Variants in PREP observed in about 807,000 individuals in gnomAD.
PREP encodes dJ355L5.1 (prolyl endopeptidase).
A neutral mutation model predicts 87.6 loss-of-function variants in PREP; 29 were observed. That is an observed-to-expected ratio of 0.33 (90% confidence interval 0.25 to 0.45). The LOEUF is 0.45. Among genes scored for constraint, PREP ranks in the 20% least tolerant of loss-of-function variants. The pLI, the probability that PREP is intolerant of heterozygous loss-of-function variation, is 1.00. For missense variants in PREP, 695 were observed against 886.5 expected (o/e 0.78, Z 2.74); for synonymous variants, 337 against 328.6 (o/e 1.03, Z -0.28).
intron 2 of PREP, among the ~76,000 whole-genome samples, chr6:105,392,617 C>T (rs950262009): frequency 1.3e-5 from 2 of 152,114 alleles, no homozygotes; most frequent in African/African-American, 4.8e-5. Flanking sequence ...CGTTCTGTCA[C>T]CTAGGCTGGA....
In PREP at chr6:105,368,884, T is replaced by C; in HGVS notation, c.717+19A>G. 1 of 1,612,948 alleles carries C rather than the reference T, an allele frequency of 6.2e-7. No individual in the cohort carries two copies. Among genetic ancestry groups the C allele is most frequent in the Non-Finnish European group, 8.5e-7 (1 of 1,179,304 alleles). On this transcript the variant is annotated intron_variant, in intron 6 of 14. Coordinates refer to ENST00000652536, the MANE Select transcript of PREP (RefSeq NM_002726.5). ...TGAAACACAGTCTTTGGGGGTAAAATTTCACAGCTGTACAATACCTCAGCT... is the reference window on the plus strand; with the variant it reads ...TGAAACACAGTCTTTGGGGGTAAAACTTCACAGCTGTACAATACCTCAGCT...
intron 4 of PREP, among the ~76,000 whole-genome samples, chr6:105,374,653 T>C (rs1470495129): frequency 3.8e-4 from 9 of 23,568 alleles, no homozygotes; most frequent in Non-Finnish European, 6.5e-4. Context: ...TATATATATA[T>C]ATATATATAT....
rs1269391120 is a variant in PREP, at chr6:105,277,828, C to T, written c.*316G>A. On this transcript the variant is annotated 3_prime_UTR_variant, in exon 15 of 15. Transcript: ENST00000652536. The stretch of plus-strand genomic sequence containing the variant: ...TATGGATATAGATAAGTATGCCCGA[C>T]TATGATCCTTAATTCAGCAATCTAA... 7 of 359,196 alleles carry T rather than the reference C, an allele frequency of 1.9e-5. No homozygotes were observed. Among genetic ancestry groups the T allele is most frequent in the Admixed American group, 8.9e-5 (2 of 22,362 alleles). The allele number at this position is 359,196 out of a possible 1,614,324, so 22.3% of individuals were successfully genotyped here.
At chr6:105,367,243 T>G (rs1772409026) in intron 6 of PREP, among the ~76,000 whole-genome samples, 1 of 152,216 alleles carries the variant, frequency 6.6e-6, no homozygotes, top group African/African-American at 2.4e-5. Context: ...ATATCTATGG[T>G]ACGCAGAAGC....
At chr6:105,345,702 CCACATG>C (rs1295572320) in intron 7 of PREP, among the ~76,000 whole-genome samples, 2 of 152,154 alleles carry the variant, frequency 1.3e-5, no homozygotes, top group African/African-American at 4.8e-5. Context: ...TCTCAGTCTG[CCACATG>C]ATTAACAGTT....
chr6:105,353,675 G>A (rs1029241406), intron 6 of PREP, among the ~76,000 whole-genome samples: 1 of 151,464 alleles, frequency 6.6e-6, no homozygotes, highest in African/African-American at 2.4e-5. Flanking sequence ...GGGAGACTGA[G>A]GCAGGAGAAC....
chr6:105,332,999 G>A (rs1771377139), intron 8 of PREP, among the ~76,000 whole-genome samples: 1 of 152,154 alleles, frequency 6.6e-6, no homozygotes, highest in Admixed American at 6.5e-5. Context: ...AAAATTAAAT[G>A]TTCATGATTA....
intron 10 of PREP, among the ~76,000 whole-genome samples, chr6:105,297,320 G>C (rs1273218727): frequency 6.6e-6 from 1 of 152,196 alleles, no homozygotes; most frequent in African/African-American, 2.4e-5. Context: ...ATCGGCTACA[G>C]TGGAGTTGTG....
chr6:105,402,725 G>A (rs779415706), intron 1 of PREP, 122 bp downstream of exon 1: 50 of 911,734 alleles, frequency 5.5e-5, no homozygotes, highest in African/African-American at 2.4e-4. Context: ...AACAAAGGCC[G>A]AGGGGGAGGG....
chr6:105,330,202 G>A (rs916057987), intron 8 of PREP, among the ~76,000 whole-genome samples: 1 of 152,158 alleles, frequency 6.6e-6, no homozygotes, highest in African/African-American at 2.4e-5. Flanking sequence ...CTGAACACAA[G>A]GGCAACATAA....
chr6:105,351,880 C>T (rs1349524528), intron 7 of PREP, among the ~76,000 whole-genome samples: 1 of 152,078 alleles, frequency 6.6e-6, no homozygotes, highest in Non-Finnish European at 1.5e-5. Context: ...GAAAAAAATA[C>T]TCAGTTTTAT....
chr6:105,342,048 T>A (rs1189272712), intron 7 of PREP, among the ~76,000 whole-genome samples: 1 of 152,164 alleles, frequency 6.6e-6, no homozygotes, highest in African/African-American at 2.4e-5. Context: ...GCCAGCATCA[T>A]CCTGATACCA....
chr6:105,386,116 C>A (rs1366563308), intron 2 of PREP, among the ~76,000 whole-genome samples: 1 of 150,922 alleles, frequency 6.6e-6, no homozygotes, highest in Admixed American at 6.6e-5. Flanking sequence ...AAGACTCCAT[C>A]TCAAAGAAAG....
intron 6 of PREP, among the ~76,000 whole-genome samples, chr6:105,362,877 GACCCCCCACCAGGAAC>G (rs1772290536): frequency 6.6e-6 from 1 of 152,126 alleles, no homozygotes; most frequent in South Asian, 2.1e-4. Flanking sequence ...AGGAGGCAGG[GACCCCCCACCAGGAAC>G]ACCACTGGAC....
intron 7 of PREP, among the ~76,000 whole-genome samples, chr6:105,336,772 A>C (rs888914906): frequency 3.9e-5 from 6 of 152,122 alleles, no homozygotes; most frequent in Non-Finnish European, 8.8e-5. Context: ...TCTGTAGTTT[A>C]TCATTTTTGG....
intron 10 of PREP, among the ~76,000 whole-genome samples, chr6:105,295,154 TTCC>T (rs1312337001): frequency 1.5e-5 from 1 of 68,516 alleles, no homozygotes; most frequent in East Asian, 5.2e-4. Context: ...TTCCAATGTT[TTCC>T]TTTTTTTTTT....
At chr6:105,373,671 G>T in intron 4 of PREP, 93 bp from the exon 5 acceptor site, 5 of 1,240,382 alleles carry the variant, frequency 4.0e-6, no homozygotes, top group Non-Finnish European at 4.5e-6. Flanking sequence ...TTCATAACAC[G>T]GAGGTAGAAT....
At chr6:105,281,678 T>G in intron 14 of PREP, 68 bp downstream of exon 14, 2 of 1,545,080 alleles carry the variant, frequency 1.3e-6, no homozygotes, top group Non-Finnish European at 8.8e-7. Flanking sequence ...CAAGCACTAA[T>G]CCTGCTGTGA....
chr6:105,370,409 G>A (rs560238639), intron 5 of PREP, among the ~76,000 whole-genome samples: 5 of 152,068 alleles, frequency 3.3e-5, no homozygotes, highest in African/African-American at 1.2e-4. Context: ...TGGAACAAGA[G>A]GAACTCTCAT....
Sources: allele counts gnomAD v4.1 joint callset (sites outside exome capture counted in the v4.1 genomes callset), GRCh38; gene constraint gnomAD v4.1.1; transcripts MANE v1.5; gene names NCBI Gene and HGNC (gene_info 2026-07-23, HGNC 2026-07-21).